Variants in C16orf74 observed in about 807,000 individuals in gnomAD.
The protein encoded by C16orf74 is calcimembrin, also known as uncharacterized protein C16orf74.
C16orf74 carries 10 observed loss-of-function variants against 6.5 expected under a neutral mutation model. The observed-to-expected ratio is 1.54, with a 90% CI of 0.95 to 2.61. The LOEUF (loss-of-function observed/expected upper bound fraction) is 2.61. Ranked by LOEUF, C16orf74 falls within the 30% of genes most tolerant of loss-of-function variation. The probability of loss-of-function intolerance (pLI) is 0.00; values close to 1 mark genes in which losing one functional copy is unlikely to be tolerated. For missense variants in C16orf74, 141 were observed against 105.9 expected (o/e 1.33, Z -1.45); for synonymous variants, 60 against 42.5 (o/e 1.41, Z -1.60).
intron 1 of C16orf74, 32 bp from the exon 2 acceptor site, chr16:85,735,267 AG>A: frequency 6.6e-7 from 1 of 1,524,198 alleles, no homozygotes; most frequent in Non-Finnish European, 8.9e-7. Context: ...GAGAGAGGGG[AG>A]GGCGCGACTT....
At chr16:85,721,624 T>C (rs1453739372) in intron 2 of C16orf74, among the ~76,000 whole-genome samples, 1 of 152,182 alleles carries the variant, frequency 6.6e-6, no homozygotes, top group Non-Finnish European at 1.5e-5. Context: ...TCCTCCTCAA[T>C]CTGGCAGCTC....
rs1472064756 is a variant in C16orf74 at position 85,707,980 on chromosome 16, G to A, written c.*28C>T. On this transcript the variant is annotated 3_prime_UTR_variant, in exon 4 of 4. Coordinates refer to ENST00000284245, the MANE Select transcript of C16orf74 (RefSeq NM_206967.3). ...CTGAAGCCGGGCCGCTGGAGCAGGAGCCAGCCAGCCAAACCCAGGACACCT... is the reference window on the plus strand; with the variant it reads ...CTGAAGCCGGGCCGCTGGAGCAGGAACCAGCCAGCCAAACCCAGGACACCT... 1 of 1,547,840 alleles carries A rather than the reference G, an allele frequency of 6.5e-7. No homozygotes were observed. Among genetic ancestry groups the A allele is most frequent in the Non-Finnish European group, 8.7e-7 (1 of 1,144,216 alleles).
chr16:85,738,377 T>C (rs2054267853), intron 1 of C16orf74, among the ~76,000 whole-genome samples: 1 of 147,664 alleles, frequency 6.8e-6, no homozygotes, highest in Non-Finnish European at 1.5e-5. Context: ...CAGGCTGGAG[T>C]GCAGTGGCGT....
chr16:85,709,886 C>T (rs1463515691), intron 3 of C16orf74, among the ~76,000 whole-genome samples: 1 of 151,250 alleles, frequency 6.6e-6, no homozygotes, highest in East Asian at 1.9e-4. Flanking sequence ...TGGCCGGAGC[C>T]GCGGCGTGGC....
intron 2 of C16orf74, among the ~76,000 whole-genome samples, chr16:85,734,281 G>A: frequency 6.6e-6 from 1 of 152,136 alleles, no homozygotes; most frequent in Non-Finnish European, 1.5e-5. Flanking sequence ...AGACGGGTCC[G>A]CCATGATCCC....
chr16:85,736,598 A>G (rs2152064289), intron 1 of C16orf74, among the ~76,000 whole-genome samples: 1 of 152,134 alleles, frequency 6.6e-6, no homozygotes, highest in East Asian at 1.9e-4. Context: ...TACTGATGGG[A>G]ACAGGCTTGG....
chr16:85,723,952 G>A (rs368375), intron 2 of C16orf74, among the ~76,000 whole-genome samples: 150,615 of 152,344 alleles, frequency 0.99, 74,482 homozygotes, highest in Middle Eastern at 1. Context: ...TCCCGTGCCC[G>A]GCCATGTCCA....
intron 2 of C16orf74, among the ~76,000 whole-genome samples, chr16:85,725,651 T>C (rs190774166): frequency 4.6e-5 from 7 of 152,242 alleles, no homozygotes; most frequent in Non-Finnish European, 8.8e-5. Context: ...GTTTTGGCAA[T>C]TTGGCAAAAT....
intron 2 of C16orf74, among the ~76,000 whole-genome samples, chr16:85,717,119 G>A (rs1477737996): frequency 1.3e-5 from 2 of 152,192 alleles, no homozygotes; most frequent in African/African-American, 2.4e-5. Flanking sequence ...CACTGTCCTC[G>A]CAGTGGGGGC....
chr16:85,735,757 C>CT (rs398119587), intron 1 of C16orf74, among the ~76,000 whole-genome samples: 1 of 151,812 alleles, frequency 6.6e-6, no homozygotes, highest in Non-Finnish European at 1.5e-5. Context: ...GTGGCCCCCC[C>CT]AGCCCACGGG....
At chr16:85,737,762 T>C (rs1240339406) in intron 1 of C16orf74, among the ~76,000 whole-genome samples, 5 of 152,114 alleles carry the variant, frequency 3.3e-5, no homozygotes, top group African/African-American at 1.2e-4. Flanking sequence ...ACCTGGGAGA[T>C]GGAGGTTGCA....
At chr16:85,736,643 A>C (rs2054247737) in intron 1 of C16orf74, among the ~76,000 whole-genome samples, 1 of 152,118 alleles carries the variant, frequency 6.6e-6, no homozygotes, top group Non-Finnish European at 1.5e-5. Flanking sequence ...ATTCCAACTT[A>C]CGAGTGGTCT....
chr16:85,722,569 T>A (rs1450785191), intron 2 of C16orf74, among the ~76,000 whole-genome samples: 1 of 152,022 alleles, frequency 6.6e-6, no homozygotes, highest in African/African-American at 2.4e-5. Context: ...CTCCGGGGAG[T>A]CCTGGCTCCC....
At chr16:85,736,410 G>A (rs1474179058) in intron 1 of C16orf74, among the ~76,000 whole-genome samples, 1 of 152,168 alleles carries the variant, frequency 6.6e-6, no homozygotes, top group Non-Finnish European at 1.5e-5. Context: ...TCCTGTGCCT[G>A]CTGAGGTCAG....
intron 1 of C16orf74, among the ~76,000 whole-genome samples, chr16:85,739,034 C>T (rs1200782485): frequency 6.6e-6 from 1 of 152,196 alleles, no homozygotes; most frequent in Non-Finnish European, 1.5e-5. Context: ...TTGGAGTCCC[C>T]AGGGGACAGA....
chr16:85,716,320 G>A (rs542886792), intron 2 of C16orf74, among the ~76,000 whole-genome samples: 1 of 146,036 alleles, frequency 6.8e-6, no homozygotes, highest in Non-Finnish European at 1.5e-5. Flanking sequence ...AGGGAGGGAG[G>A]AGTAAGTTGG....
At chr16:85,715,949 G>A (rs1272176645) in intron 2 of C16orf74, among the ~76,000 whole-genome samples, 1 of 152,138 alleles carries the variant, frequency 6.6e-6, no homozygotes, top group Non-Finnish European at 1.5e-5. Context: ...CCCCATAAGT[G>A]TTCTCTATTA....
At chr16:85,750,376 GCAGC>G (rs904757740) in intron 1 of C16orf74, among the ~76,000 whole-genome samples, 69 of 151,696 alleles carry the variant, frequency 4.5e-4, no homozygotes, top group African/African-American at 1.7e-3. Context: ...CCGCTCGAGC[GCAGC>G]CAGCCAGGAG....
chr16:85,716,931 G>C (rs1245570842), intron 2 of C16orf74, among the ~76,000 whole-genome samples: 1 of 152,176 alleles, frequency 6.6e-6, no homozygotes, highest in African/African-American at 2.4e-5. Flanking sequence ...TGCCTGCCTC[G>C]GGCTATTAAA....
Sources: allele counts gnomAD v4.1 joint callset (sites outside exome capture counted in the v4.1 genomes callset), GRCh38; gene constraint gnomAD v4.1.1; transcripts MANE v1.5; gene names NCBI Gene and HGNC (gene_info 2026-07-23, HGNC 2026-07-21).